Variants in DGKB observed in about 807,000 individuals in gnomAD.
The protein encoded by DGKB is diacylglycerol kinase beta, also known as 90 kDa diacylglycerol kinase.
DGKB carries 67 observed loss-of-function variants against 114.3 expected under a neutral mutation model. The observed-to-expected ratio is 0.59, with a 90% CI of 0.48 to 0.72. DGKB has a LOEUF of 0.72. DGKB is among the 30% of genes least tolerant of loss of function. The pLI, the probability that DGKB is intolerant of heterozygous loss-of-function variation, is 0.00. For synonymous variants in DGKB, 398 were observed against 323.1 expected (o/e 1.23, Z -2.49); for missense variants, 907 against 975.2 (o/e 0.93, Z 0.93).
intron 21 of DGKB, among the ~76,000 whole-genome samples, chr7:14,450,293 G>A (rs1407594676): frequency 6.6e-6 from 1 of 152,086 alleles, no homozygotes; most frequent in Non-Finnish European, 1.5e-5. Flanking sequence ...ATAATCTAAA[G>A]ACATGTATCT....
chr7:14,221,808 G>T (rs1790023977), intron 23 of DGKB, among the ~76,000 whole-genome samples: 1 of 150,950 alleles, frequency 6.6e-6, no homozygotes, highest in Admixed American at 6.6e-5. Context: ...TTTCTTTGTG[G>T]GTAGATTTTG....
intron 14 of DGKB, among the ~76,000 whole-genome samples, chr7:14,624,714 C>T (rs1808256889): frequency 6.6e-6 from 1 of 152,056 alleles, no homozygotes; most frequent in Admixed American, 6.6e-5. Flanking sequence ...ATAATACAAA[C>T]AGGCTGCATG....
intron 5 of DGKB, among the ~76,000 whole-genome samples, chr7:14,727,056 T>C (rs192652396): frequency 3.3e-5 from 5 of 152,322 alleles, no homozygotes; most frequent in Admixed American, 2.6e-4. Context: ...TTATTTCCTT[T>C]TGCTAGAATA....
chr7:14,407,478 A>G (rs1824130193), intron 21 of DGKB, among the ~76,000 whole-genome samples: 1 of 151,882 alleles, frequency 6.6e-6, no homozygotes, highest in South Asian at 2.1e-4. Flanking sequence ...ATGTGTGTTT[A>G]TTTTAGAGGG....
intron 21 of DGKB, among the ~76,000 whole-genome samples, chr7:14,446,094 A>T (rs1830691203): frequency 6.6e-6 from 1 of 152,084 alleles, no homozygotes; most frequent in Non-Finnish European, 1.5e-5. Context: ...TTCTCCAAAT[A>T]CTTCTTGCAA....
At chr7:14,875,922 A>G (rs1352795222) in intron 1 of DGKB, among the ~76,000 whole-genome samples, 1 of 152,166 alleles carries the variant, frequency 6.6e-6, no homozygotes, top group African/African-American at 2.4e-5. Context: ...CAGGGGAGCC[A>G]AAAGATTGGA....
At chr7:14,646,119 C>A (rs538723624) in intron 13 of DGKB, among the ~76,000 whole-genome samples, 1 of 152,058 alleles carries the variant, frequency 6.6e-6, no homozygotes, top group Non-Finnish European at 1.5e-5. Flanking sequence ...ATGCTGCCTA[C>A]AAAAATCTCA....
chr7:14,658,683 A>G (rs1368148484), intron 13 of DGKB, among the ~76,000 whole-genome samples: 1 of 151,812 alleles, frequency 6.6e-6, no homozygotes, highest in African/African-American at 2.4e-5. Flanking sequence ...TACCCCATAA[A>G]CATGTACAAA....
chr7:14,468,728 T>A (rs954823481), intron 21 of DGKB, among the ~76,000 whole-genome samples: 1 of 149,504 alleles, frequency 6.7e-6, no homozygotes, highest in Non-Finnish European at 1.5e-5. Context: ...TTTTACTGTT[T>A]AATACTCTTC....
At chr7:14,292,818 T>A (rs1801970091) in intron 23 of DGKB, among the ~76,000 whole-genome samples, 1 of 152,194 alleles carries the variant, frequency 6.6e-6, no homozygotes, top group Non-Finnish European at 1.5e-5. Context: ...GGTGCTGGCT[T>A]TGACAGTGGC....
intron 23 of DGKB, among the ~76,000 whole-genome samples, chr7:14,250,008 G>C (rs1794995399): frequency 6.6e-6 from 1 of 151,766 alleles, no homozygotes; most frequent in Admixed American, 6.6e-5. Context: ...AGGCTGGAGT[G>C]CAGTCGTGCA....
chr7:14,317,462 A>G (rs1031789204), intron 23 of DGKB, among the ~76,000 whole-genome samples: 193 of 151,324 alleles, frequency 1.3e-3, no homozygotes, highest in African/African-American at 4.3e-3. Flanking sequence ...TCAATGTGCA[A>G]AAATCACAAG....
intron 2 of DGKB, among the ~76,000 whole-genome samples, chr7:14,782,330 A>C (rs962033985): frequency 3.9e-5 from 6 of 152,144 alleles, no homozygotes; most frequent in Admixed American, 3.9e-4. Context: ...CCCCGGCCTG[A>C]ATTTTTAAAT....
Position 14,574,469 on chromosome 7 carries a change from A to ACATATGCAT in DGKB, c.1610-98_1610-97insATGCATATG. ...TGTGCTTATGCATATGTAATATTCT[A>ACATATGCAT]AAGGTAAATAATGATTTTGAAGCAC... On this transcript the variant is annotated intron_variant, in intron 19 of 25. Transcript: ENST00000402815. The ACATATGCAT allele has an allele frequency of 5.1e-6, 5 of 975,116 alleles. No homozygotes were observed. In the South Asian group the frequency reaches 8.7e-5, roughly 17 times the overall value. 60.4% of individuals were successfully genotyped at this position (975,116 alleles called of 1,614,324 possible).
intron 21 of DGKB, among the ~76,000 whole-genome samples, chr7:14,415,972 G>A (rs1425479278): frequency 6.6e-6 from 1 of 152,138 alleles, no homozygotes; most frequent in Non-Finnish European, 1.5e-5. Flanking sequence ...TCTAACTGGT[G>A]TGAGATGGTA....
chr7:14,805,121 T>G (rs1238755813), intron 2 of DGKB, among the ~76,000 whole-genome samples: 2 of 152,074 alleles, frequency 1.3e-5, no homozygotes, highest in African/African-American at 2.4e-5. Context: ...TTTAGTTGTC[T>G]CCATTCAATC....
At chr7:14,624,635 C>T (rs1284673935) in intron 14 of DGKB, among the ~76,000 whole-genome samples, 3 of 152,106 alleles carry the variant, frequency 2.0e-5, no homozygotes, top group Non-Finnish European at 4.4e-5. Context: ...TCATGTCCCT[C>T]CAAGTAGTCA....
intron 23 of DGKB, among the ~76,000 whole-genome samples, chr7:14,255,764 G>A (rs182974950): frequency 1.4e-3 from 206 of 146,490 alleles, no homozygotes; most frequent in African/African-American, 4.9e-3. Context: ...CCTCTTCTCC[G>A]TGCAGCTAAG....
At chr7:14,157,546 A>G (rs1260085045) in intron 25 of DGKB, among the ~76,000 whole-genome samples, 1 of 152,156 alleles carries the variant, frequency 6.6e-6, no homozygotes, top group Non-Finnish European at 1.5e-5. Flanking sequence ...AATTCACAGG[A>G]AGTTTAAATA....
Sources: gnomAD v4.1 joint callset for allele counts (sites outside exome capture counted in the v4.1 genomes callset) on GRCh38, gnomAD v4.1.1 for gene constraint, MANE v1.5 for transcripts, NCBI Gene and HGNC (gene_info 2026-07-23, HGNC 2026-07-21) for gene names.